The following ADAMTSL3 variants were observed in gnomAD, a reference collection of about 807,000 sequenced individuals.
ADAMTSL3 encodes ADAMTS-like protein 3.
ADAMTSL3 carries 128 observed loss-of-function variants against 201.7 expected under a neutral mutation model. The observed-to-expected ratio is 0.63, with a 90% CI of 0.55 to 0.73. The LOEUF (loss-of-function observed/expected upper bound fraction) is 0.73, where lower values mean the gene tolerates loss of function less well. Among genes scored for constraint, ADAMTSL3 ranks in the 30% least tolerant of loss-of-function variants. ADAMTSL3 has a pLI of 0.00. For synonymous variants in ADAMTSL3, 738 were observed against 748.4 expected (o/e 0.99, Z 0.23); for missense variants, 1,990 against 2,119.6 (o/e 0.94, Z 1.20).
intron 2 of ADAMTSL3, among the ~76,000 whole-genome samples, chr15:83,693,269 T>C (rs2585050): frequency 0.3 from 46,130 of 152,094 alleles, 7,440 homozygotes; most frequent in South Asian, 0.49. Flanking sequence ...TGAGCATTGT[T>C]GGGCTATGTC....
At chr15:83,776,591 C>T (rs929401656) in intron 4 of ADAMTSL3, among the ~76,000 whole-genome samples, 5 of 152,076 alleles carry the variant, frequency 3.3e-5, no homozygotes, top group African/African-American at 1.2e-4. Context: ...GTGGCACATG[C>T]CTGTAATTCC....
intron 19 of ADAMTSL3, among the ~76,000 whole-genome samples, chr15:83,967,184 C>T (rs776261869): frequency 2.6e-5 from 4 of 151,908 alleles, no homozygotes; most frequent in Non-Finnish European, 5.9e-5. Context: ...GCCAGGGCAA[C>T]CAGGCAAGAG....
intron 4 of ADAMTSL3, among the ~76,000 whole-genome samples, chr15:83,797,610 G>GA (rs1374980426): frequency 1.3e-5 from 2 of 151,124 alleles, no homozygotes; most frequent in Non-Finnish European, 3.0e-5. Context: ...ACCCCAAAAA[G>GA]AAAAAAAGAA....
At chr15:83,742,224 C>A (rs2062468405) in intron 3 of ADAMTSL3, among the ~76,000 whole-genome samples, 1 of 152,064 alleles carries the variant, frequency 6.6e-6, no homozygotes, top group South Asian at 2.1e-4. Flanking sequence ...AACCTCTCTC[C>A]TAAGCCAGCA....
chr15:83,819,249 G>A (rs1342781045), intron 5 of ADAMTSL3, among the ~76,000 whole-genome samples: 1 of 141,382 alleles, frequency 7.1e-6, no homozygotes, highest in Non-Finnish European at 1.5e-5. Flanking sequence ...TGGCGACAGA[G>A]TGACACTCCG....
intron 5 of ADAMTSL3, among the ~76,000 whole-genome samples, chr15:83,816,652 T>A: frequency 6.6e-6 from 1 of 152,144 alleles, no homozygotes; most frequent in Admixed American, 6.5e-5. Context: ...GGTGATGTAA[T>A]TTTGTAACTG....
intron 3 of ADAMTSL3, among the ~76,000 whole-genome samples, chr15:83,741,679 G>C (rs2062457717): frequency 6.6e-6 from 1 of 152,184 alleles, no homozygotes; most frequent in Non-Finnish European, 1.5e-5. Context: ...ACTATAAGGT[G>C]AGATCAGCAA....
intron 3 of ADAMTSL3, among the ~76,000 whole-genome samples, chr15:83,769,263 AT>A (rs2062939904): frequency 6.6e-6 from 1 of 152,188 alleles, no homozygotes; most frequent in Non-Finnish European, 1.5e-5. Context: ...AACTTTTCAC[AT>A]TCAACCTTTT....
chr15:83,891,447 C>A, intron 12 of ADAMTSL3, 68 bp downstream of exon 12: 1 of 1,316,180 alleles, frequency 7.6e-7, no homozygotes, highest in Non-Finnish European at 1.1e-6. Context: ...GCATCTGTAG[C>A]AATAGCCTAA....
At chr15:83,764,519 A>G (rs1279141164) in intron 3 of ADAMTSL3, among the ~76,000 whole-genome samples, 3 of 152,200 alleles carry the variant, frequency 2.0e-5, no homozygotes, top group Non-Finnish European at 2.9e-5. Flanking sequence ...GGAGGACAGA[A>G]GTGTGTTTGT....
intron 23 of ADAMTSL3, among the ~76,000 whole-genome samples, chr15:84,003,249 C>T (rs991559381): frequency 2.0e-5 from 3 of 152,040 alleles, no homozygotes; most frequent in Admixed American, 1.3e-4. Context: ...CGGTGCCTGG[C>T]CTCCCACTTT....
At position 83,772,080 on chromosome 15, in the gene ADAMTSL3, CT is replaced by C. The variant is rs2062993359; in HGVS notation, c.190-1442del. Among the ~76,000 whole-genome samples, 2 of 152,118 alleles carry C rather than the reference CT, an allele frequency of 1.3e-5. 1 individual carries two copies. Among genetic ancestry groups the C allele is most frequent in the South Asian group, 4.1e-4 (2 of 4,820 alleles). ...TGTTGCCCAGGCTGGTCTTGAACTC[CT>C]GAGCTCAGGAAATCTACCCACCTTG... On this transcript the variant is annotated intron_variant, in intron 3 of 29. Transcript: ENST00000286744.
chr15:83,847,588 T>G (rs2064526509), intron 7 of ADAMTSL3, among the ~76,000 whole-genome samples: 2 of 151,340 alleles, frequency 1.3e-5, no homozygotes, highest in Admixed American at 1.3e-4. Flanking sequence ...CTCTACCTCC[T>G]GGGTTCAAGT....
chr15:83,800,549 C>T (rs146761256), intron 4 of ADAMTSL3, among the ~76,000 whole-genome samples: 1 of 152,256 alleles, frequency 6.6e-6, no homozygotes, highest in African/African-American at 2.4e-5. Context: ...TTTCTTTTTA[C>T]AAGAACAGTT....
intron 16 of ADAMTSL3, among the ~76,000 whole-genome samples, chr15:83,919,106 C>T (rs914738347): frequency 6.6e-5 from 10 of 152,098 alleles, no homozygotes; most frequent in African/African-American, 2.4e-4. Flanking sequence ...AGATGCCTCT[C>T]GACTTCCAAG....
rs115904112 is a variant in ADAMTSL3, at chr15:83,906,150, T to C, written c.1700+6419T>C. Among the ~76,000 whole-genome samples, 1,270 of 152,320 alleles carry C rather than the reference T, an allele frequency of 8.3e-3. 16 individuals carry two copies. Among genetic ancestry groups the C allele is most frequent in the African/African-American group, 0.029 (1,198 of 41,566 alleles). The stretch of plus-strand genomic sequence containing the variant: ...TTGAATTACTGTGTCTTTTAAATAC[T>C]TTTTTCTATTAAACTGTGCAAGTAC... On this transcript the variant is annotated intron_variant, in intron 15 of 29. Coordinates refer to ENST00000286744, the MANE Select transcript of ADAMTSL3 (RefSeq NM_207517.3).
intron 4 of ADAMTSL3, among the ~76,000 whole-genome samples, chr15:83,785,924 A>G (rs1167773924): frequency 6.6e-6 from 1 of 151,750 alleles, no homozygotes; most frequent in Non-Finnish European, 1.5e-5. Flanking sequence ...GCTCACTGCA[A>G]CCTCTGCCTC....
chr15:83,947,732 A>C (rs2066680210), intron 19 of ADAMTSL3, among the ~76,000 whole-genome samples: 1 of 152,132 alleles, frequency 6.6e-6, no homozygotes, highest in Admixed American at 6.6e-5. Flanking sequence ...AATCTCAAAA[A>C]GCCCAATATT....
At chr15:83,714,785 TTTTC>T (rs1188323302) in intron 3 of ADAMTSL3, among the ~76,000 whole-genome samples, 1 of 101,322 alleles carries the variant, frequency 9.9e-6, no homozygotes, top group African/African-American at 3.5e-5. Context: ...CTTTCTTTCT[TTTTC>T]TTTCTCTCTC....
Sources: gnomAD v4.1 joint callset for allele counts (sites outside exome capture counted in the v4.1 genomes callset) on GRCh38, gnomAD v4.1.1 for gene constraint, MANE v1.5 for transcripts, NCBI Gene and HGNC (gene_info 2026-07-23, HGNC 2026-07-21) for gene names.